The following CCSER1 variants were observed in gnomAD, a reference collection of about 807,000 sequenced individuals.
CCSER1 encodes serine-rich coiled-coil domain-containing protein 1.
Under a neutral mutation model 82.0 loss-of-function variants are expected in CCSER1, and 41 were observed. The observed-to-expected ratio is 0.50, with a 90% CI of 0.39 to 0.65. The LOEUF (loss-of-function observed/expected upper bound fraction) is 0.65. Ranked by LOEUF, CCSER1 falls within the 30% of genes least tolerant of loss-of-function variation. The pLI is 0.00. For synonymous variants in CCSER1, 414 were observed against 383.9 expected (o/e 1.08, Z -0.92); for missense variants, 1,119 against 1,064.2 (o/e 1.05, Z -0.72).
chr4:91,445,787 G>A (rs1486797982), intron 10 of CCSER1, among the ~76,000 whole-genome samples: 3 of 151,932 alleles, frequency 2.0e-5, no homozygotes, highest in African/African-American at 7.3e-5. Flanking sequence ...ATTGGCCCAA[G>A]TTGGAGAAGA....
At chr4:90,252,444 C>A (rs546135493) in intron 1 of CCSER1, among the ~76,000 whole-genome samples, 1 of 151,394 alleles carries the variant, frequency 6.6e-6, no homozygotes, top group Non-Finnish European at 1.5e-5. Context: ...AATATAAGAA[C>A]GTGTTTTTTA....
chr4:91,533,326 A>G (rs1041364868), intron 10 of CCSER1, among the ~76,000 whole-genome samples: 8 of 152,222 alleles, frequency 5.3e-5, no homozygotes, highest in Non-Finnish European at 1.0e-4. Context: ...CAAACTCTAC[A>G]ATATAAAACA....
intron 9 of CCSER1, among the ~76,000 whole-genome samples, chr4:91,061,672 G>A (rs1266965273): frequency 6.6e-6 from 1 of 151,978 alleles, no homozygotes; most frequent in Admixed American, 6.6e-5. Flanking sequence ...ATGGAGGTGT[G>A]TCACTGATTG....
intron 5 of CCSER1, among the ~76,000 whole-genome samples, chr4:90,609,134 T>G (rs1785129893): frequency 6.6e-6 from 1 of 152,152 alleles, no homozygotes. Context: ...GTGTGATTAA[T>G]TTTATTCATA....
At chr4:91,349,694 CAA>C (rs1036964493) in intron 10 of CCSER1, among the ~76,000 whole-genome samples, 1 of 150,716 alleles carries the variant, frequency 6.6e-6, no homozygotes, top group African/African-American at 2.5e-5. Flanking sequence ...CTGCTGGAAG[CAA>C]GAGAGTTTTT....
At chr4:91,146,564 C>T (rs1219786709) in intron 10 of CCSER1, among the ~76,000 whole-genome samples, 1 of 91,490 alleles carries the variant, frequency 1.1e-5, no homozygotes, top group East Asian at 3.0e-4. Flanking sequence ...TTCTTTGTTT[C>T]TTTCTTTATC....
At chr4:90,589,721 A>T (rs1172713609) in intron 5 of CCSER1, among the ~76,000 whole-genome samples, 1 of 152,158 alleles carries the variant, frequency 6.6e-6, no homozygotes, top group East Asian at 1.9e-4. Context: ...ACCTGCAAGG[A>T]GAAATAATCA....
At chr4:90,317,166 A>G (rs1036193989) in intron 3 of CCSER1, among the ~76,000 whole-genome samples, 1 of 152,230 alleles carries the variant, frequency 6.6e-6, no homozygotes, top group Non-Finnish European at 1.5e-5. Context: ...GGCTTTACAT[A>G]GGGAATTCTA....
intron 1 of CCSER1, among the ~76,000 whole-genome samples, chr4:90,189,847 G>A (rs1158235346): frequency 6.6e-6 from 1 of 151,886 alleles, no homozygotes; most frequent in Non-Finnish European, 1.5e-5. Context: ...TGTGGTAAGA[G>A]GTGAAAGGCA....
At chr4:91,324,288 AGTCTTTCGG>A (rs1310303776) in intron 10 of CCSER1, among the ~76,000 whole-genome samples, 1 of 152,134 alleles carries the variant, frequency 6.6e-6, no homozygotes, top group African/African-American at 2.4e-5. Flanking sequence ...GGAAAACATC[AGTCTTTCGG>A]GTCTATTTTA....
chr4:90,569,816 G>A (rs1205433619), intron 5 of CCSER1, among the ~76,000 whole-genome samples: 1 of 152,164 alleles, frequency 6.6e-6, no homozygotes, highest in African/African-American at 2.4e-5. Flanking sequence ...GCAGGACTGA[G>A]GTGCATCTGA....
intron 5 of CCSER1, among the ~76,000 whole-genome samples, chr4:90,614,161 A>G (rs937121773): frequency 1.3e-5 from 2 of 152,182 alleles, no homozygotes; most frequent in Non-Finnish European, 2.9e-5. Flanking sequence ...ATGATCAGCA[A>G]TCTTTGATGT....
chr4:91,297,017 G>A (rs1744232817), intron 10 of CCSER1, among the ~76,000 whole-genome samples: 1 of 151,752 alleles, frequency 6.6e-6, no homozygotes, highest in Admixed American at 6.6e-5. Flanking sequence ...AATCCTTAAA[G>A]AGGACTAGTG....
chr4:90,474,001 C>T (rs189552278), intron 5 of CCSER1, among the ~76,000 whole-genome samples: 5 of 152,154 alleles, frequency 3.3e-5, no homozygotes, highest in East Asian at 3.9e-4. Context: ...ATTAGCTGGG[C>T]GTGGTGGCGC....
intron 5 of CCSER1, among the ~76,000 whole-genome samples, chr4:90,596,403 A>G (rs1284457760): frequency 1.3e-5 from 2 of 151,916 alleles, no homozygotes; most frequent in African/African-American, 2.4e-5. Flanking sequence ...GGTGTTAAAT[A>G]TACTGATTTA....
intron 9 of CCSER1, among the ~76,000 whole-genome samples, chr4:90,992,314 C>A (rs1737106057): frequency 6.6e-6 from 1 of 151,994 alleles, no homozygotes; most frequent in Admixed American, 6.6e-5. Flanking sequence ...TTTTGCATAA[C>A]CTCATGCATG....
intron 10 of CCSER1, among the ~76,000 whole-genome samples, chr4:91,420,239 A>G (rs1185410934): frequency 6.6e-6 from 1 of 152,134 alleles, no homozygotes; most frequent in Admixed American, 6.5e-5. Flanking sequence ...ACAGCAAAGG[A>G]AACAAAGTGA....
intron 3 of CCSER1, among the ~76,000 whole-genome samples, chr4:90,350,944 G>A (rs952045080): frequency 6.6e-6 from 1 of 152,010 alleles, no homozygotes; most frequent in South Asian, 2.1e-4. Context: ...AAAATGTATT[G>A]CACTGCAATA....
chr4:90,687,038 C>T (rs1369219404), intron 6 of CCSER1, among the ~76,000 whole-genome samples: 4 of 152,136 alleles, frequency 2.6e-5, no homozygotes, highest in Non-Finnish European at 2.9e-5. Flanking sequence ...TACCTATCGT[C>T]TTTCTCTAGG....
Sources: allele counts gnomAD v4.1 joint callset (sites outside exome capture counted in the v4.1 genomes callset), GRCh38; gene constraint gnomAD v4.1.1; transcripts MANE v1.5; gene names NCBI Gene and HGNC (gene_info 2026-07-23, HGNC 2026-07-21).